BCOR: variants seen among roughly 807,000 people sequenced by gnomAD.
BCOR encodes the protein BCL6 corepressor.
Under a neutral mutation model 86.7 loss-of-function variants are expected in BCOR, and 10 were observed. That is an observed-to-expected ratio of 0.12 (90% CI 0.07 to 0.20). The LOEUF is 0.20. Ranked by LOEUF, BCOR falls within the 10% of genes least tolerant of loss-of-function variation. The pLI is 1.00. For synonymous variants in BCOR, 611 were observed against 609.0 expected (o/e 1.00, Z -0.05); for missense variants, 1,259 against 1,452.1 (o/e 0.87, Z 2.16).
rs930549134 is a variant in BCOR at position 40,104,009 on chromosome X, AC to A, written c.-40-26041del. 5.4e-5 allele frequency among the ~76,000 whole-genome samples: 6 copies of A among 110,335 alleles called. No individual in the cohort carries two copies. In the South Asian group the frequency reaches 1.2e-3, roughly 22 times the overall value. ...CCCACCTCCCCTCCACTGACAACCCACCCCCCATTGGCGGGGCTCCCCAGGA... is the reference window on the plus strand; with the variant it reads ...CCCACCTCCCCTCCACTGACAACCCACCCCCATTGGCGGGGCTCCCCAGGA... On this transcript the variant is annotated intron_variant, in intron 1 of 14. Coordinates refer to the BCOR transcript ENST00000342274.
At chrX:40,053,698 C>A in intron 14 of BCOR, 188 bp downstream of exon 14, 4 of 505,039 alleles carry the variant, frequency 7.9e-6, no homozygotes, top group Non-Finnish European at 1.4e-5. Flanking sequence ...CCCCACCCCC[C>A]ACCACACTGG....
intron 1 of BCOR, among the ~76,000 whole-genome samples, chrX:40,157,615 G>C (rs1938325016): frequency 8.9e-6 from 1 of 112,417 alleles, no homozygotes; most frequent in African/African-American, 3.2e-5. Context: ...TGTCAACCCA[G>C]TTTACAAAGG....
At chrX:40,111,896 G>A (rs188725799) in intron 1 of BCOR, among the ~76,000 whole-genome samples, 67 of 111,602 alleles carry the variant, frequency 6.0e-4, no homozygotes, top group Non-Finnish European at 1.1e-3. Context: ...CATGGAGACA[G>A]GCCTTGTCAA....
At chrX:40,103,882 ACTT>A (rs1602223029) in intron 1 of BCOR, among the ~76,000 whole-genome samples, 2 of 112,090 alleles carry the variant, frequency 1.8e-5, no homozygotes, top group Non-Finnish European at 1.9e-5. Context: ...TTGATCGGTC[ACTT>A]CTTATCTCGC....
At chrX:40,146,294 C>T (rs1452120473) in intron 1 of BCOR, among the ~76,000 whole-genome samples, 3 of 111,689 alleles carry the variant, frequency 2.7e-5, no homozygotes, top group African/African-American at 9.8e-5. Flanking sequence ...GCCCTGAGGT[C>T]CTCCCTGCGC....
intron 6 of BCOR, among the ~76,000 whole-genome samples, chrX:40,067,727 T>C (rs1935274428): frequency 9.0e-6 from 1 of 111,571 alleles, no homozygotes; most frequent in South Asian, 3.8e-4. Flanking sequence ...CCAAACCTTA[T>C]GCTAGGGTTT....
intron 1 of BCOR, among the ~76,000 whole-genome samples, chrX:40,110,629 ATTTTC>A (rs1279398092): frequency 1.8e-4 from 9 of 50,876 alleles, no homozygotes; most frequent in South Asian, 9.5e-4. Flanking sequence ...ACAATCAACC[ATTTTC>A]TTTTCTTTTC....
chrX:40,063,536 C>G (rs751333805), intron 8 of BCOR, 72 bp downstream of exon 8: 4 of 882,002 alleles, frequency 4.5e-6, no homozygotes, highest in Admixed American at 2.5e-5. Context: ...CCTCAAAAGC[C>G]CTTTCCTACA....
Position 40,064,042 on chromosome X carries a change from G to A in BCOR, c.3503-90C>T. ...ATCACTAATGGGGTGGGGGAGGGGG[G>A]GTGTGGTCACTGGTCTCTGCTTTTG... is the stretch of plus-strand genomic sequence containing the variant. On this transcript the variant is annotated intron_variant, in intron 7 of 14. Transcript: ENST00000378444. 6 of 630,505 alleles carry A rather than the reference G, an allele frequency of 9.5e-6. No homozygotes were observed. In the South Asian group the frequency reaches 1.7e-4, roughly 18 times the overall value. 52.0% of individuals were successfully genotyped at this position (630,505 alleles called of 1,213,427 possible). A position where few individuals can be genotyped will look rare whatever the true frequency, so the allele number is the denominator to read the frequency against.
chrX:40,108,794 A>G (rs1166548325), intron 1 of BCOR, among the ~76,000 whole-genome samples: 2 of 113,224 alleles, frequency 1.8e-5, no homozygotes, highest in East Asian at 2.8e-4. Flanking sequence ...CGCACCCTGT[A>G]TCGACCAATC....
chrX:40,072,073 C>G (rs777472319), intron 4 of BCOR: 64 of 416,684 alleles, frequency 1.5e-4, no homozygotes, highest in Non-Finnish European at 2.5e-4. Context: ...AAACGTCATG[C>G]AGTCTTTAGA....
At position 40,072,464 on chromosome X, in the gene BCOR, T is replaced by G. The variant is rs1283164188; in HGVS notation, c.2882A>C (p.Lys961Thr). Residue 961 changes from lysine (K) to threonine (T), a missense_variant, in exon 4 of 15, where the codon AAG (lysine) becomes ACG (threonine). This residue lies in a region of BCOR where 56 missense variants were observed against 106.6 expected (regional missense o/e 0.53). Coordinates refer to ENST00000378444, the MANE Select transcript of BCOR (RefSeq NM_001123385.2). ...TGAGTTGGCGATTCTCTTTGCCAGC[T>G]TAGATGGCTTCGGTTTCAGAACTTT... The part of the protein sequence containing the change: ...DGKVLKPKPS[K>T]LAKRIANSAG... The G allele has an allele frequency of 8.3e-7, 1 of 1,211,765 alleles. No individual in the cohort carries two copies. Among genetic ancestry groups the G allele is most frequent in the Non-Finnish European group, 1.1e-6 (1 of 895,428 alleles).
chrX:40,135,024 T>A (rs1228832008), intron 1 of BCOR, among the ~76,000 whole-genome samples: 13 of 111,274 alleles, frequency 1.2e-4, no homozygotes, highest in Non-Finnish European at 1.1e-4. Flanking sequence ...AAATTAGAAA[T>A]CATCACTTTC....
At chrX:40,156,712 C>T (rs1223333267) in intron 1 of BCOR, among the ~76,000 whole-genome samples, 1 of 110,763 alleles carries the variant, frequency 9.0e-6, no homozygotes. Context: ...TTTCCCCCTG[C>T]AACTTGGAAA....
intron 1 of BCOR, among the ~76,000 whole-genome samples, chrX:40,140,650 C>T (rs1433137276): frequency 8.9e-6 from 1 of 112,309 alleles, no homozygotes; most frequent in Non-Finnish European, 1.9e-5. Context: ...CCGGGGGTTT[C>T]CCCGAGCCAC....
intron 1 of BCOR, among the ~76,000 whole-genome samples, chrX:40,093,942 G>C (rs753731818): frequency 1.8e-5 from 2 of 111,468 alleles, no homozygotes; most frequent in African/African-American, 6.5e-5. Context: ...GGTCAAACTA[G>C]ATCATCTAGC....
At chrX:40,155,907 G>T (rs1031457379) in intron 1 of BCOR, among the ~76,000 whole-genome samples, 3 of 112,779 alleles carry the variant, frequency 2.7e-5, no homozygotes, top group Non-Finnish European at 5.6e-5. Flanking sequence ...GACTCTCCGC[G>T]CACCTCGCTG....
intron 1 of BCOR, among the ~76,000 whole-genome samples, chrX:40,168,525 C>G (rs945815449): frequency 8.8e-6 from 1 of 113,017 alleles, no homozygotes; most frequent in African/African-American, 3.2e-5. Context: ...AAGTGGCTCT[C>G]CCCACACAGA....
intron 1 of BCOR, among the ~76,000 whole-genome samples, chrX:40,156,819 C>T (rs1036889545): frequency 2.6e-5 from 3 of 113,815 alleles, no homozygotes; most frequent in East Asian, 2.8e-4. Context: ...ACTCGTTCAG[C>T]TGCGCTGCAG....
Sources: allele counts gnomAD v4.1 joint callset (sites outside exome capture counted in the v4.1 genomes callset), GRCh38; gene constraint gnomAD v4.1.1; regional missense constraint gnomAD v4.1.1; transcripts MANE v1.5; gene names NCBI Gene and HGNC (gene_info 2026-07-23, HGNC 2026-07-21).